The following UBE2J1 variants were observed in gnomAD, a reference collection of about 807,000 sequenced individuals.
The protein encoded by UBE2J1 is ubiquitin-conjugating enzyme E2 J1.
UBE2J1 carries 17 observed loss-of-function variants against 42.1 expected under a neutral mutation model. That is an observed-to-expected ratio of 0.40 (90% CI 0.28 to 0.61). The LOEUF (loss-of-function observed/expected upper bound fraction) is 0.61, where lower values mean the gene tolerates loss of function less well. Among genes scored for constraint, UBE2J1 ranks in the 20% least tolerant of loss-of-function variants. The probability of loss-of-function intolerance (pLI) is 0.38; values close to 1 mark genes in which losing one functional copy is unlikely to be tolerated. For synonymous variants in UBE2J1, 127 were observed against 137.2 expected (o/e 0.93, Z 0.52); for missense variants, 291 against 389.4 (o/e 0.75, Z 2.13).
intron 3 of UBE2J1, among the ~76,000 whole-genome samples, chr6:89,342,057 T>C (rs1275354355): frequency 2.0e-5 from 3 of 152,198 alleles, no homozygotes; most frequent in Non-Finnish European, 4.4e-5. Flanking sequence ...CAGATGTGTA[T>C]GCCCAGCACT....
intron 5 of UBE2J1, among the ~76,000 whole-genome samples, chr6:89,337,294 G>A (rs1065657): frequency 0.56 from 84,147 of 150,242 alleles, 25,382 homozygotes; most frequent in African/African-American, 0.78. Context: ...AAAAACCAAC[G>A]TAGTAAATCG....
In UBE2J1 at chr6:89,329,951, G is replaced by C. The variant is rs10502; in HGVS notation, c.685C>G (p.Leu229Val). The C allele has an allele frequency of 0.44, 705,426 of 1,611,968 alleles. 169,668 individuals carry two copies. The highest frequency in any genetic ancestry group is 0.83 in the African/African-American group (62,164 of 74,910). ...QGATASTSYGLQNSSAASFHQ... is the reference protein window; with the variant it reads ...QGATASTSYGVQNSSAASFHQ... Reference sequence around the variant, plus strand: ...AAGGATGCTGCTGAGGAATTCTGGAGTCCGTACTAGGAAATTTTAAGAAAC... The same window carrying C: ...AAGGATGCTGCTGAGGAATTCTGGACTCCGTACTAGGAAATTTTAAGAAAC... Residue 229 changes from leucine (L) to valine (V), a missense_variant, in exon 8 of 8, where the codon CTC becomes GTC. This residue lies in a region of UBE2J1 where 176 missense variants were observed against 196.3 expected (regional missense o/e 0.90). Coordinates refer to ENST00000435041, the MANE Select transcript of UBE2J1 (RefSeq NM_016021.3).
At chr6:89,334,239 G>A (rs747852571) in intron 6 of UBE2J1, among the ~76,000 whole-genome samples, 4 of 152,004 alleles carry the variant, frequency 2.6e-5, no homozygotes, top group Non-Finnish European at 5.9e-5. Flanking sequence ...TCCTGACCTC[G>A]TGATCTGCCT....
At chr6:89,342,257 C>T in intron 3 of UBE2J1, 67 bp downstream of exon 3, 1 of 1,553,334 alleles carries the variant, frequency 6.4e-7, no homozygotes, top group Non-Finnish European at 8.8e-7. Flanking sequence ...AAATGATTTG[C>T]TTACTATATT....
intron 6 of UBE2J1, among the ~76,000 whole-genome samples, chr6:89,334,176 T>C (rs906596282): frequency 2.0e-5 from 3 of 151,822 alleles, no homozygotes; most frequent in Non-Finnish European, 4.4e-5. Flanking sequence ...GCTAATTTTT[T>C]GTATTTTTAG....
intron 5 of UBE2J1, among the ~76,000 whole-genome samples, chr6:89,337,235 T>G (rs954924444): frequency 1.3e-5 from 2 of 151,608 alleles, no homozygotes; most frequent in African/African-American, 4.8e-5. Context: ...TCTTTTTTTT[T>G]TTTTTTTACC....
In UBE2J1 at chr6:89,352,616, C is replaced by T; in HGVS notation, c.-47G>A. 1 of 1,528,434 alleles carries T rather than the reference C, an allele frequency of 6.5e-7. No individual in the cohort carries two copies. The highest frequency in any genetic ancestry group is 8.7e-7 in the Non-Finnish European group (1 of 1,144,970). 94.7% of individuals were successfully genotyped at this position (1,528,434 alleles called of 1,614,324 possible). A position where few individuals can be genotyped will look rare whatever the true frequency, so the allele number is the denominator to read the frequency against. On this transcript the variant is annotated 5_prime_UTR_variant, in exon 1 of 8. Transcript: ENST00000435041. Reference sequence around the variant, plus strand: ...CGGCCTCCCGGGCCGCTGCCACCTCCTCTCCACGCGGCCGCTGCCCGGGTC... The same window carrying T: ...CGGCCTCCCGGGCCGCTGCCACCTCTTCTCCACGCGGCCGCTGCCCGGGTC...
At chr6:89,333,849 G>A (rs1384403785) in intron 6 of UBE2J1, among the ~76,000 whole-genome samples, 1 of 152,120 alleles carries the variant, frequency 6.6e-6, no homozygotes, top group Non-Finnish European at 1.5e-5. Context: ...GAAGGGAACT[G>A]GACCTGGAAA....
At chr6:89,349,838 C>T (rs1768434991) in intron 1 of UBE2J1, among the ~76,000 whole-genome samples, 2 of 152,120 alleles carry the variant, frequency 1.3e-5, no homozygotes, top group Admixed American at 1.3e-4. Context: ...ACTCCCACCA[C>T]CTGCTGCACA....
At chr6:89,345,830 C>T (rs531277418) in intron 1 of UBE2J1, among the ~76,000 whole-genome samples, 30 of 151,940 alleles carry the variant, frequency 2.0e-4, no homozygotes. Context: ...TCGCTTAAAC[C>T]CAGGAAGTGG....
intron 1 of UBE2J1, among the ~76,000 whole-genome samples, chr6:89,349,647 T>C (rs1405055544): frequency 6.6e-6 from 1 of 152,118 alleles, no homozygotes; most frequent in African/African-American, 2.4e-5. Flanking sequence ...TTTCACTCTA[T>C]GGGAAATGAA....
intron 1 of UBE2J1, among the ~76,000 whole-genome samples, chr6:89,346,809 T>A (rs942729419): frequency 2.0e-5 from 3 of 152,220 alleles, no homozygotes; most frequent in African/African-American, 7.2e-5. Context: ...TATGCCATCA[T>A]AACACTGTAT....
intron 5 of UBE2J1, 110 bp downstream of exon 5, chr6:89,338,095 C>G: frequency 2.9e-6 from 2 of 689,960 alleles, no homozygotes; most frequent in Non-Finnish European, 4.8e-6. Flanking sequence ...GATCCTGTAG[C>G]TACAGTCACT....
In UBE2J1 at chr6:89,351,069, C is replaced by CTTTTTTT. The variant is rs1193022037; in HGVS notation, c.31+1463_31+1469dup. On this transcript the variant is annotated intron_variant, in intron 1 of 7. Coordinates refer to ENST00000435041, the MANE Select transcript of UBE2J1 (RefSeq NM_016021.3). Reference sequence around the variant, plus strand: ...TCCTCCCTCCCCACCCCGGGATTCTCTTTTTTTTTTTTTTTTTTTTTTTTT... The same window carrying CTTTTTTT: ...TCCTCCCTCCCCACCCCGGGATTCTCTTTTTTTTTTTTTTTTTTTTTTTTTTTTTTTT... 1.4e-3 allele frequency among the ~76,000 whole-genome samples: 87 copies of CTTTTTTT among 60,472 alleles called. 8 individuals carry two copies. The highest frequency in any genetic ancestry group is 3.0e-3 in the African/African-American group (43 of 14,476). The allele number at this position is 60,472 out of a possible 152,430, so 39.7% of individuals were successfully genotyped here. A position where few individuals can be genotyped will look rare whatever the true frequency, so the allele number is the denominator to read the frequency against.
chr6:89,329,638 A>C lies in UBE2J1; in HGVS notation c.*41T>G, dbSNP rs1767964915. 4 of 1,602,634 alleles carry C rather than the reference A, an allele frequency of 2.5e-6. No individual in the cohort carries two copies. The African/African-American group carries it at 5.4e-5, about 21-fold the overall frequency. On this transcript the variant is annotated 3_prime_UTR_variant, in exon 8 of 8. Transcript: ENST00000435041. ...GATTATACCCAATGCAGAATGTTTA[A>C]TGAAGCAGTTGAGTCACAGCTCATA... is the stretch of plus-strand genomic sequence containing the variant.
At chr6:89,330,173 G>C (rs899435108) in intron 7 of UBE2J1, among the ~76,000 whole-genome samples, 24 of 152,052 alleles carry the variant, frequency 1.6e-4, no homozygotes, top group Admixed American at 1.4e-3. Flanking sequence ...CCTTTTAATA[G>C]TTTTATTAAT....
At chr6:89,337,517 GATATA>G in intron 5 of UBE2J1, among the ~76,000 whole-genome samples, 1 of 152,162 alleles carries the variant, frequency 6.6e-6, no homozygotes, top group South Asian at 2.1e-4. Context: ...GGTAAAATAT[GATATA>G]ATTTAATTAA....
chr6:89,342,210 A>C (rs538856832), intron 3 of UBE2J1, 114 bp downstream of exon 3: 2 of 1,265,206 alleles, frequency 1.6e-6, no homozygotes, highest in Non-Finnish European at 2.2e-6. Context: ...CCTGGACCCC[A>C]AAAGCAAAAT....
intron 1 of UBE2J1, among the ~76,000 whole-genome samples, chr6:89,346,305 G>T (rs1768364243): frequency 6.6e-6 from 1 of 152,048 alleles, no homozygotes; most frequent in Non-Finnish European, 1.5e-5. Context: ...TTCCTACTAG[G>T]TACTAGATGC....
Sources: gnomAD v4.1 joint callset for allele counts (sites outside exome capture counted in the v4.1 genomes callset) on GRCh38, gnomAD v4.1.1 for gene constraint, gnomAD v4.1.1 regional missense constraint, MANE v1.5 for transcripts, NCBI Gene and HGNC (gene_info 2026-07-23, HGNC 2026-07-21) for gene names.